ST6GALNAC3: variants seen among roughly 807,000 people sequenced by gnomAD.
ST6GALNAC3 encodes alpha-N-acetylgalactosaminide alpha-2,6-sialyltransferase 3.
A neutral mutation model predicts 32.7 loss-of-function variants in ST6GALNAC3; 25 were observed. That is an observed-to-expected ratio of 0.76 (90% CI 0.56 to 1.07). The LOEUF is 1.07. ST6GALNAC3 is among the 50% of genes least tolerant of loss of function. The pLI is 0.00. For synonymous variants in ST6GALNAC3, 129 were observed against 133.1 expected, an observed-to-expected ratio of 0.97 and a Z score of 0.21; for missense variants, 355 against 382.4, an observed-to-expected ratio of 0.93 and a Z score of 0.60.
chr1:76,308,393 T>G (rs1261627948), intron 1 of ST6GALNAC3, among the ~76,000 whole-genome samples: 1 of 152,172 alleles, frequency 6.6e-6, no homozygotes, highest in African/African-American at 2.4e-5. Context: ...CTGTTTATAT[T>G]GCATATATGC....
intron 1 of ST6GALNAC3, among the ~76,000 whole-genome samples, chr1:76,180,569 C>T (rs764611532): frequency 6.6e-6 from 1 of 152,050 alleles, no homozygotes; most frequent in Non-Finnish European, 1.5e-5. Flanking sequence ...CTATCCTATA[C>T]CCATATAAAC....
chr1:76,333,866 A>C (rs1007833292), intron 2 of ST6GALNAC3, among the ~76,000 whole-genome samples: 1 of 152,188 alleles, frequency 6.6e-6, no homozygotes, highest in Non-Finnish European at 1.5e-5. Flanking sequence ...TTTGTTTCTC[A>C]CAATAATGCT....
intron 2 of ST6GALNAC3, among the ~76,000 whole-genome samples, chr1:76,406,272 G>A (rs1397962997): frequency 6.6e-6 from 1 of 152,026 alleles, no homozygotes; most frequent in Non-Finnish European, 1.5e-5. Flanking sequence ...TTCTGAAGGA[G>A]GCTTTTGGGC....
At chr1:76,201,422 C>T (rs1654511623) in intron 1 of ST6GALNAC3, among the ~76,000 whole-genome samples, 1 of 152,302 alleles carries the variant, frequency 6.6e-6, no homozygotes, top group African/African-American at 2.4e-5. Context: ...GATTCAATTA[C>T]CTTCCACCGG....
chr1:76,088,260 C>T (rs1260756694), intron 1 of ST6GALNAC3, among the ~76,000 whole-genome samples: 1 of 152,200 alleles, frequency 6.6e-6, no homozygotes, highest in Non-Finnish European at 1.5e-5. Flanking sequence ...TGACCACAGA[C>T]TTTGTTTCCT....
chr1:76,128,877 C>T (rs1411157661), intron 1 of ST6GALNAC3, among the ~76,000 whole-genome samples: 1 of 152,174 alleles, frequency 6.6e-6, no homozygotes, highest in African/African-American at 2.4e-5. Context: ...CAGACAACAG[C>T]CACCCTGTTT....
At chr1:76,544,096 T>C (rs1664151931) in intron 3 of ST6GALNAC3, among the ~76,000 whole-genome samples, 1 of 150,276 alleles carries the variant, frequency 6.7e-6, no homozygotes, top group South Asian at 2.1e-4. Context: ...TATATATATA[T>C]ATATGAAATT....
intron 1 of ST6GALNAC3, among the ~76,000 whole-genome samples, chr1:76,075,704 T>C (rs1019635167): frequency 5.0e-5 from 7 of 139,062 alleles, no homozygotes; most frequent in Admixed American, 7.3e-5. Context: ...AGGCCTCCCC[T>C]GCCCTCGTTT....
intron 3 of ST6GALNAC3, among the ~76,000 whole-genome samples, chr1:76,489,168 A>G (rs985954849): frequency 1.3e-5 from 2 of 152,192 alleles, no homozygotes; most frequent in South Asian, 4.1e-4. Flanking sequence ...AGTGTTCTCC[A>G]TTGCAAACAT....
chr1:76,559,454 T>C (rs1350484874), intron 3 of ST6GALNAC3, among the ~76,000 whole-genome samples: 1 of 151,834 alleles, frequency 6.6e-6, no homozygotes, highest in Non-Finnish European at 1.5e-5. Flanking sequence ...GATCATGGAG[T>C]AGGCAATTAC....
intron 3 of ST6GALNAC3, among the ~76,000 whole-genome samples, chr1:76,501,314 C>T: frequency 6.6e-6 from 1 of 152,210 alleles, no homozygotes; most frequent in Non-Finnish European, 1.5e-5. Context: ...GCCCTGGTCA[C>T]ACTCTGTAAT....
intron 1 of ST6GALNAC3, among the ~76,000 whole-genome samples, chr1:76,238,386 A>G (rs1006974023): frequency 6.6e-6 from 1 of 152,350 alleles, no homozygotes; most frequent in Middle Eastern, 3.4e-3. Flanking sequence ...GCATGAGTCA[A>G]TCTTTAGCCA....
At chr1:76,419,729 G>A (rs1331021803) in intron 3 of ST6GALNAC3, among the ~76,000 whole-genome samples, 1 of 151,964 alleles carries the variant, frequency 6.6e-6, no homozygotes, top group Non-Finnish European at 1.5e-5. Context: ...ACGCCCATCT[G>A]TACTACTAGA....
At chr1:76,557,579 C>A (rs796400414) in intron 3 of ST6GALNAC3, among the ~76,000 whole-genome samples, 7 of 152,084 alleles carry the variant, frequency 4.6e-5, no homozygotes, top group African/African-American at 1.4e-4. Flanking sequence ...CCCATGGTAG[C>A]CTTATGGAGC....
At chr1:76,313,776 C>G in intron 1 of ST6GALNAC3, 29 bp from the exon 2 acceptor site, 1 of 1,609,472 alleles carries the variant, frequency 6.2e-7, no homozygotes, top group Non-Finnish European at 8.5e-7. Context: ...GTCATTCGTT[C>G]TTCTTTTTGT....
At chr1:76,387,894 A>C (rs1319871533) in intron 2 of ST6GALNAC3, among the ~76,000 whole-genome samples, 1 of 152,104 alleles carries the variant, frequency 6.6e-6, no homozygotes, top group Admixed American at 6.5e-5. Context: ...TGACTGAAAA[A>C]AAATCTTTAA....
In ST6GALNAC3 at chr1:76,276,445, C is replaced by A. The variant is rs559629399; in HGVS notation, c.19-37360C>A. 2.6e-5 allele frequency among the ~76,000 whole-genome samples: 4 copies of A among 152,142 alleles called. No homozygotes were observed. In the East Asian group the frequency reaches 7.7e-4, roughly 29 times the overall value. The stretch of plus-strand genomic sequence containing the variant: ...CTATGTGTATTTCTTCTGCCACTTG[C>A]CTTTTTGATTCCACATGATTTGTGA... On this transcript the variant is annotated intron_variant, in intron 1 of 4. Coordinates refer to ENST00000328299, the MANE Select transcript of ST6GALNAC3 (RefSeq NM_152996.4).
chr1:76,489,383 G>C (rs965840368), intron 3 of ST6GALNAC3, among the ~76,000 whole-genome samples: 1 of 151,808 alleles, frequency 6.6e-6, no homozygotes, highest in African/African-American at 2.4e-5. Flanking sequence ...TTATTATGTT[G>C]TTGTTGACCA....
chr1:76,363,654 G>A (rs752463549), intron 2 of ST6GALNAC3, among the ~76,000 whole-genome samples: 7 of 152,262 alleles, frequency 4.6e-5, no homozygotes, highest in Non-Finnish European at 7.4e-5. Flanking sequence ...CCGAGACTGG[G>A]TAATTTATAA....
Sources: allele counts gnomAD v4.1 joint callset (sites outside exome capture counted in the v4.1 genomes callset), GRCh38; gene constraint gnomAD v4.1.1; transcripts MANE v1.5; gene names NCBI Gene and HGNC (gene_info 2026-07-23, HGNC 2026-07-21).